Variants in TPTE observed in about 807,000 individuals in gnomAD.
TPTE encodes putative tyrosine-protein phosphatase TPTE.
In TPTE, 59 loss-of-function variants were observed where a neutral mutation model predicts 84.1. The ratio of observed to expected loss-of-function variants is 0.70; its 90% CI spans 0.57 to 0.87. TPTE has a LOEUF of 0.87. Ranked by LOEUF, TPTE falls within the 40% of genes least tolerant of loss-of-function variation. The probability of loss-of-function intolerance (pLI) is 0.00; values close to 1 mark genes in which losing one functional copy is unlikely to be tolerated. For missense variants in TPTE, 382 were observed against 659.6 expected (o/e 0.58, Z 4.61); for synonymous variants, 130 against 223.5 (o/e 0.58, Z 3.73).
intron 3 of TPTE, among the ~76,000 whole-genome samples, chr21:10,535,930 G>T (rs1452902190): frequency 6.6e-6 from 1 of 152,308 alleles, no homozygotes; most frequent in East Asian, 1.9e-4. Flanking sequence ...TAGGAATCAA[G>T]AATTTAGATG....
chr21:10,556,256 T>C (rs2074681429), intron 8 of TPTE, among the ~76,000 whole-genome samples: 1 of 152,306 alleles, frequency 6.6e-6, no homozygotes, highest in African/African-American at 2.4e-5. Flanking sequence ...AGGGTTCTCA[T>C]TGTTCAATTC....
chr21:10,570,920 T>TTGA (rs1399933521), intron 14 of TPTE, among the ~76,000 whole-genome samples: 2 of 151,884 alleles, frequency 1.3e-5, no homozygotes, highest in East Asian at 1.9e-4. Context: ...TTGGCTACCC[T>TTGA]CGACTGAAAG....
intron 3 of TPTE, among the ~76,000 whole-genome samples, chr21:10,528,100 T>C (rs1472382458): frequency 6.6e-6 from 1 of 152,302 alleles, no homozygotes; most frequent in Non-Finnish European, 1.5e-5. Flanking sequence ...GACTTCTTTC[T>C]AGAGAAAAAT....
rs778628412 is a variant in TPTE, at chr21:10,590,525, T to C, written c.1089+2T>C. The C allele has an allele frequency of 2.5e-6, 4 of 1,614,042 alleles. No homozygotes were observed. Among genetic ancestry groups the C allele is most frequent in the South Asian group, 1.1e-5 (1 of 91,074 alleles). ...TCTGAAATATGTTCAACTGCAAAGG[T>C]ATGAAAGATGTTCTACAAACTTTGT... On this transcript the variant is annotated splice_donor_variant, in intron 18 of 23. Transcript: ENST00000618007. LOFTEE classifies it high-confidence loss of function.
At chr21:10,574,517 A>C (rs1302715041) in intron 14 of TPTE, among the ~76,000 whole-genome samples, 2 of 152,426 alleles carry the variant, frequency 1.3e-5, no homozygotes, top group Admixed American at 1.3e-4. Flanking sequence ...GCCAATTAGA[A>C]GCAGCTGCAG....
chr21:10,576,844 T>TATAC (rs2075163450), intron 14 of TPTE, among the ~76,000 whole-genome samples: 1 of 3,282 alleles, frequency 3.0e-4, no homozygotes, highest in Non-Finnish European at 4.8e-4. Context: ...TATACATATA[T>TATAC]ATATATATAT....
rs550149014 is a variant in TPTE, at chr21:10,550,348, C to T, written c.174-2309C>T. ...TTTATCTAAAAGAAACTCACTTTACCGGTATAGAAACACATAGACTGATAA... is the reference window on the plus strand; with the variant it reads ...TTTATCTAAAAGAAACTCACTTTACTGGTATAGAAACACATAGACTGATAA... On this transcript the variant is annotated intron_variant, in intron 7 of 23. Coordinates refer to ENST00000618007, the MANE Select transcript of TPTE (RefSeq NM_199261.4). Among the ~76,000 whole-genome samples, 13 of 152,402 alleles carry T rather than the reference C, an allele frequency of 8.5e-5. No homozygotes were observed. In the East Asian group the frequency reaches 9.6e-4, roughly 11 times the overall value.
At chr21:10,547,352 T>C (rs1432993983) in intron 7 of TPTE, among the ~76,000 whole-genome samples, 1 of 152,420 alleles carries the variant, frequency 6.6e-6, no homozygotes, top group Non-Finnish European at 1.5e-5. Context: ...ATGGAAGCAC[T>C]CAGCCTGTGC....
At chr21:10,527,819 T>A (rs1270296807) in intron 3 of TPTE, among the ~76,000 whole-genome samples, 1 of 152,306 alleles carries the variant, frequency 6.6e-6, no homozygotes, top group Non-Finnish European at 1.5e-5. Context: ...ATGGAGCCCC[T>A]GCCTCAGGTT....
intron 3 of TPTE, among the ~76,000 whole-genome samples, chr21:10,529,924 TA>T (rs1555885548): frequency 1.3e-5 from 2 of 152,228 alleles, no homozygotes; most frequent in African/African-American, 2.4e-5. Flanking sequence ...ATTTTTTTTT[TA>T]AAAAAAGTAG....
chr21:10,566,018 C>T (rs2074913800), intron 10 of TPTE, among the ~76,000 whole-genome samples: 1 of 152,422 alleles, frequency 6.6e-6, no homozygotes, highest in African/African-American at 2.4e-5. Context: ...GGGATCACAT[C>T]AAGTTAAAAA....
At chr21:10,555,455 C>G (rs902990882) in intron 8 of TPTE, among the ~76,000 whole-genome samples, 2 of 152,430 alleles carry the variant, frequency 1.3e-5, no homozygotes, top group Middle Eastern at 3.4e-3. Context: ...ATCCACCCAC[C>G]TTGGCCACCC....
chr21:10,537,695 AAAAAG>A (rs1244051571), intron 3 of TPTE, among the ~76,000 whole-genome samples: 11 of 152,364 alleles, frequency 7.2e-5, no homozygotes, highest in African/African-American at 2.6e-4. Flanking sequence ...AAAAAAAAGA[AAAAAG>A]AAAAAGAAAT....
chr21:10,605,542 G>A lies in TPTE; in HGVS notation c.1646G>A (p.Gly549Glu), dbSNP rs169758. ...ATGACTTCCAGTGATGTTGTAGCTGGATCCGATTAAGTATAGCTCCCCCTT... is the reference window on the plus strand; with the variant it reads ...ATGACTTCCAGTGATGTTGTAGCTGAATCCGATTAAGTATAGCTCCCCCTT... ...EKMTSSDVVAGSD is the reference protein window; with the variant it reads ...EKMTSSDVVAESD The change falls in exon 24 of 24, where the codon GGA becomes GAA. Residue 549 changes from glycine (G) to glutamate (E), a missense_variant. This residue lies in a region of TPTE where 120 missense variants were observed against 79.1 expected (regional missense o/e 1.52). Coordinates refer to ENST00000618007, the MANE Select transcript of TPTE (RefSeq NM_199261.4). 35,599 of 1,507,132 alleles carry A rather than the reference G, an allele frequency of 0.024. 5 individuals are homozygous for A. The highest frequency in any genetic ancestry group is 0.18 in the African/African-American group (10,459 of 57,540). 93.4% of individuals were successfully genotyped at this position (1,507,132 alleles called of 1,614,324 possible).
At chr21:10,554,651 G>A (rs1452452599) in intron 8 of TPTE, among the ~76,000 whole-genome samples, 2 of 152,296 alleles carry the variant, frequency 1.3e-5, no homozygotes, top group Non-Finnish European at 2.9e-5. Context: ...TAATCCTCAT[G>A]TAATCAAATG....
chr21:10,540,518 G>T (rs1568958806), intron 4 of TPTE, among the ~76,000 whole-genome samples: 1 of 152,252 alleles, frequency 6.6e-6, no homozygotes, highest in Admixed American at 6.5e-5. Context: ...AATCCTGCTT[G>T]CAGGGAGAAG....
chr21:10,579,776 A>G (rs1271644894), intron 17 of TPTE, among the ~76,000 whole-genome samples: 24 of 152,260 alleles, frequency 1.6e-4, no homozygotes, highest in African/African-American at 5.8e-4. Context: ...TTATCCATTC[A>G]TCCACTGATG....
At chr21:10,542,488 G>A (rs1216697217) in intron 6 of TPTE, 40 bp downstream of exon 6, 9 of 1,604,894 alleles carry the variant, frequency 5.6e-6, no homozygotes, top group Admixed American at 5.0e-5. Flanking sequence ...CAGCATAAGT[G>A]TGCATAGAAC....
chr21:10,545,634 C>G (rs991494860), intron 7 of TPTE, among the ~76,000 whole-genome samples: 1 of 147,402 alleles, frequency 6.8e-6, no homozygotes, highest in South Asian at 2.1e-4. Context: ...AAGGATCTAT[C>G]TACACACACA....
Sources: gnomAD v4.1 joint callset for allele counts (sites outside exome capture counted in the v4.1 genomes callset) on GRCh38, gnomAD v4.1.1 for gene constraint, gnomAD v4.1.1 regional missense constraint, MANE v1.5 for transcripts, NCBI Gene and HGNC (gene_info 2026-07-23, HGNC 2026-07-21) for gene names.